Variants in NDUFAF2 observed in about 807,000 individuals in gnomAD.
The protein encoded by NDUFAF2 is NADH:ubiquinone oxidoreductase complex assembly factor 2, also known as NADH dehydrogenase [ubiquinone] 1 alpha subcomplex assembly factor 2.
A neutral mutation model predicts 22.8 loss-of-function variants in NDUFAF2; 13 were observed. That is an observed-to-expected ratio of 0.57 (90% CI 0.37 to 0.91). The LOEUF is 0.91. Ranked by LOEUF, NDUFAF2 falls within the 40% of genes least tolerant of loss-of-function variation. The pLI, the probability that NDUFAF2 is intolerant of heterozygous loss-of-function variation, is 0.01. For missense variants in NDUFAF2, 162 were observed against 195.2 expected, an observed-to-expected ratio of 0.83 and a Z score of 1.01; for synonymous variants, 53 against 64.2, an observed-to-expected ratio of 0.83 and a Z score of 0.84.
At chr5:60,983,828 G>A (rs1189301450) in intron 1 of NDUFAF2, among the ~76,000 whole-genome samples, 1 of 152,048 alleles carries the variant, frequency 6.6e-6, no homozygotes, top group African/African-American at 2.4e-5. Flanking sequence ...TTGAAGTCAG[G>A]TAGCATGATG....
At chr5:60,954,880 T>G (rs916576859) in intron 1 of NDUFAF2, among the ~76,000 whole-genome samples, 4 of 152,208 alleles carry the variant, frequency 2.6e-5, no homozygotes, top group African/African-American at 9.6e-5. Flanking sequence ...TTTTGTATGT[T>G]TTCTTTGGAG....
intron 1 of NDUFAF2, among the ~76,000 whole-genome samples, chr5:61,049,024 A>G (rs1415737114): frequency 6.6e-6 from 1 of 152,160 alleles, no homozygotes; most frequent in Non-Finnish European, 1.5e-5. Context: ...TTTAAAAATC[A>G]ATGTATAATA....
chr5:61,060,586 A>G (rs757571708), intron 1 of NDUFAF2, among the ~76,000 whole-genome samples: 1 of 152,132 alleles, frequency 6.6e-6, no homozygotes, highest in Non-Finnish European at 1.5e-5. Context: ...TACCTATTTG[A>G]TCACCATTCC....
chr5:61,035,308 C>T (rs951362935), intron 1 of NDUFAF2, among the ~76,000 whole-genome samples: 14 of 151,696 alleles, frequency 9.2e-5, no homozygotes, highest in Non-Finnish European at 1.6e-4. Flanking sequence ...TCAAGTGATC[C>T]GTCTGCCTCG....
chr5:61,141,101 C>T (rs929585858), intron 3 of NDUFAF2, among the ~76,000 whole-genome samples: 1 of 152,082 alleles, frequency 6.6e-6, no homozygotes, highest in African/African-American at 2.4e-5. Context: ...GTGGCACATG[C>T]CTGTAATCCC....
rs115451354 is a variant in NDUFAF2, at chr5:61,011,108, A to C, written c.128-62017A>C. ...TGCTTTATGTGAGAGAAAAATAAAT[A>C]TCTCTCTTAAGTTAGTGTTACATAG... is the stretch of plus-strand genomic sequence containing the variant. On this transcript the variant is annotated intron_variant, in intron 1 of 3. Transcript: ENST00000296597. Among the ~76,000 whole-genome samples, 1,204 of 152,170 alleles carry C rather than the reference A, an allele frequency of 7.9e-3. 16 individuals carry two copies. Among genetic ancestry groups the C allele is most frequent in the African/African-American group, 0.027 (1,126 of 41,524 alleles).
At chr5:61,053,686 C>T (rs1413257716) in intron 1 of NDUFAF2, among the ~76,000 whole-genome samples, 1 of 152,112 alleles carries the variant, frequency 6.6e-6, no homozygotes, top group East Asian at 1.9e-4. Context: ...GATAGTCCCA[C>T]ACAACCCCAT....
At chr5:60,954,541 C>T (rs565038341) in intron 1 of NDUFAF2, among the ~76,000 whole-genome samples, 1 of 152,232 alleles carries the variant, frequency 6.6e-6, no homozygotes, top group East Asian at 1.9e-4. Context: ...TCTTTGAAAT[C>T]TGAGACTAGC....
intron 1 of NDUFAF2, among the ~76,000 whole-genome samples, chr5:60,955,375 C>G (rs1429441533): frequency 6.6e-6 from 1 of 152,012 alleles, no homozygotes; most frequent in Non-Finnish European, 1.5e-5. Context: ...CTCACTTGTC[C>G]TCATGTGTGG....
At chr5:60,950,175 C>T (rs1185373482) in intron 1 of NDUFAF2, among the ~76,000 whole-genome samples, 2 of 151,960 alleles carry the variant, frequency 1.3e-5, no homozygotes, top group African/African-American at 4.8e-5. Flanking sequence ...AGAAGAAAAA[C>T]ATTTAATCTT....
At chr5:61,076,267 G>T (rs879754177) in intron 2 of NDUFAF2, among the ~76,000 whole-genome samples, 1 of 152,092 alleles carries the variant, frequency 6.6e-6, no homozygotes, top group East Asian at 1.9e-4. Flanking sequence ...GTAGAGAGAG[G>T]GTTTCACCAT....
chr5:61,151,354 G>A (rs763095889), intron 3 of NDUFAF2, among the ~76,000 whole-genome samples: 41 of 151,060 alleles, frequency 2.7e-4, no homozygotes, highest in Admixed American at 9.2e-4. Context: ...TTTTTGGTCA[G>A]TGTTGTCAGA....
At chr5:60,973,968 T>C (rs184070048) in intron 1 of NDUFAF2, among the ~76,000 whole-genome samples, 2 of 152,314 alleles carry the variant, frequency 1.3e-5, no homozygotes, top group African/African-American at 4.8e-5. Context: ...TTTGCCTGTC[T>C]AATTTTTGAT....
intron 1 of NDUFAF2, among the ~76,000 whole-genome samples, chr5:61,029,903 A>G (rs767824135): frequency 2.7e-4 from 41 of 152,148 alleles, no homozygotes; most frequent in Non-Finnish European, 4.7e-4. Flanking sequence ...GTTTATAGCT[A>G]GAACCAGTGT....
intron 1 of NDUFAF2, among the ~76,000 whole-genome samples, chr5:61,023,511 A>G (rs750530766): frequency 6.6e-5 from 10 of 152,094 alleles, no homozygotes; most frequent in Non-Finnish European, 1.2e-4. Context: ...TATGTATTCT[A>G]TGGAAGTCCA....
At chr5:61,049,998 T>A (rs1752004863) in intron 1 of NDUFAF2, among the ~76,000 whole-genome samples, 2 of 151,936 alleles carry the variant, frequency 1.3e-5, no homozygotes, top group African/African-American at 4.8e-5. Context: ...ATTATCACAA[T>A]TTTGGCCATT....
At chr5:60,951,287 T>C (rs997971952) in intron 1 of NDUFAF2, among the ~76,000 whole-genome samples, 1 of 152,204 alleles carries the variant, frequency 6.6e-6, no homozygotes, top group Non-Finnish European at 1.5e-5. Context: ...TGCCTCAGCG[T>C]CCCAAAGTGC....
At chr5:61,043,250 TAGAGGGAC>T (rs1288578941) in intron 1 of NDUFAF2, among the ~76,000 whole-genome samples, 1 of 151,982 alleles carries the variant, frequency 6.6e-6, no homozygotes, top group African/African-American at 2.4e-5. Context: ...GATCAGTGGT[TAGAGGGAC>T]AGAGGGATAA....
At chr5:60,985,730 A>T (rs567105097) in intron 1 of NDUFAF2, among the ~76,000 whole-genome samples, 54 of 151,652 alleles carry the variant, frequency 3.6e-4, no homozygotes, top group Middle Eastern at 3.4e-3. Flanking sequence ...AATCCTGGAA[A>T]CTCCCATTTT....
Sources: allele counts gnomAD v4.1 joint callset (sites outside exome capture counted in the v4.1 genomes callset), GRCh38; gene constraint gnomAD v4.1.1; transcripts MANE v1.5; gene names NCBI Gene and HGNC (gene_info 2026-07-23, HGNC 2026-07-21).